Variants in ARMC10 observed in about 807,000 individuals in gnomAD.
ARMC10 encodes the protein armadillo repeat-containing protein 10.
In ARMC10, 23 loss-of-function variants were observed where a neutral mutation model predicts 30.2. The observed-to-expected ratio is 0.76, with a 90% confidence interval of 0.55 to 1.08. The LOEUF (loss-of-function observed/expected upper bound fraction) is 1.08, where lower values mean the gene tolerates loss of function less well. ARMC10 is among the 50% of genes least tolerant of loss of function. The pLI, the probability that ARMC10 is intolerant of heterozygous loss-of-function variation, is 0.00. For synonymous variants in ARMC10, 111 were observed against 164.4 expected (o/e 0.68, Z 2.48); for missense variants, 303 against 413.7 (o/e 0.73, Z 2.32).
chr7:103,098,255 ATATAT>A, intron 6 of ARMC10, 39 bp from the exon 7 acceptor site: 1 of 1,259,580 alleles, frequency 7.9e-7, no homozygotes, highest in Admixed American at 3.7e-5. Flanking sequence ...AAAAGTTTTC[ATATAT>A]TATTAATATA....
At chr7:103,087,873 T>G (rs1800993183) in intron 4 of ARMC10, 1 of 743,188 alleles carries the variant, frequency 1.3e-6, no homozygotes, top group African/African-American at 1.9e-5. Context: ...TACAGATTAC[T>G]ATGCTATGAA....
chr7:103,079,986 G>T (rs1208270357), intron 2 of ARMC10, among the ~76,000 whole-genome samples: 1 of 152,158 alleles, frequency 6.6e-6, no homozygotes, highest in East Asian at 1.9e-4. Context: ...ACGTTATAAT[G>T]TGGTAGTCAC....
intron 4 of ARMC10, among the ~76,000 whole-genome samples, chr7:103,088,131 G>A (rs1801013016): frequency 6.6e-6 from 1 of 152,090 alleles, no homozygotes. Flanking sequence ...TCTAATATTT[G>A]GAGAAATATT....
At chr7:103,094,585 A>G (rs1563330808) in intron 5 of ARMC10, among the ~76,000 whole-genome samples, 1 of 152,198 alleles carries the variant, frequency 6.6e-6, no homozygotes, top group Non-Finnish European at 1.5e-5. Flanking sequence ...TCGTAAGTTC[A>G]GGACCATCCT....
At chr7:103,094,690 TAGTC>T (rs57257367) in intron 5 of ARMC10, among the ~76,000 whole-genome samples, 1,840 of 152,330 alleles carry the variant, frequency 0.012, 34 homozygotes, top group African/African-American at 0.042. Context: ...GTGTTGCTGA[TAGTC>T]AGTCAGGCCA....
At chr7:103,075,658 C>G in intron 1 of ARMC10, 119 bp from the exon 2 acceptor site, 1 of 909,238 alleles carries the variant, frequency 1.1e-6, no homozygotes. Context: ...TTCTTAAAAA[C>G]CTGTTGATGG....
At chr7:103,082,524 CAG>C (rs1800476437) in intron 2 of ARMC10, among the ~76,000 whole-genome samples, 2 of 151,182 alleles carry the variant, frequency 1.3e-5, no homozygotes, top group Admixed American at 6.6e-5. Context: ...TTAATAGAGA[CAG>C]GGTCTCATTA....
At position 103,075,322 on chromosome 7, in the gene ARMC10, G is replaced by A. The variant is rs2129517636; in HGVS notation, c.50G>A (p.Gly17Asp). 2 of 1,240,832 alleles carry A rather than the reference G, an allele frequency of 1.6e-6. No homozygotes were observed. The highest frequency in any genetic ancestry group is 3.1e-5 in the African/African-American group (2 of 64,952). The allele number at this position is 1,240,832 out of a possible 1,614,324, so 76.9% of individuals were successfully genotyped here. Residue 17 changes from glycine to aspartate, a missense_variant, in exon 1 of 7, where the codon GGC becomes GAC. By Grantham distance (94) the Gly-to-Asp change is moderately conservative. This residue lies in a region of ARMC10 where 11 missense variants were observed against 27.6 expected (regional missense o/e 0.40). Transcript: ENST00000323716. The part of the protein sequence containing the change: ...AGWVAAGLLL[G>D]AGACYCIYRL... The stretch of plus-strand genomic sequence containing the variant: ...TGGGTGGCGGCGGGCCTGCTGCTCG[G>A]CGCGGGCGCCTGCTACTGCATTTAC...
rs1799579870 is a variant in ARMC10 at position 103,075,208 on chromosome 7, C to T, written c.-65C>T. 9.0e-7 allele frequency: 1 copy of T among 1,110,512 alleles called. No individual in the cohort carries two copies. Among genetic ancestry groups the T allele is most frequent in the Non-Finnish European group, 1.1e-6 (1 of 907,888 alleles). 68.8% of individuals were successfully genotyped at this position (1,110,512 alleles called of 1,614,324 possible). ...GGCTAGGCCCGCGTGCGCTGGAGACCTCCGCGCTGGCCCCCGCGAGCCTCC... is the reference window on the plus strand; with the variant it reads ...GGCTAGGCCCGCGTGCGCTGGAGACTTCCGCGCTGGCCCCCGCGAGCCTCC... On this transcript the variant is annotated 5_prime_UTR_variant, in exon 1 of 7. Transcript: ENST00000323716.
rs1174135494 is a variant in ARMC10 at position 103,075,411 on chromosome 7, G to T, written c.139G>T (p.Gly47Cys). Reference protein sequence around the residue: ...ELGIRSSKSAGALEEGTSEGQ... With the variant: ...ELGIRSSKSACALEEGTSEGQ... ...CGGGATACGCTCTTCGAAGTCCGCA[G>T]GTGGGACCCCGGGGTTTCCGGCAGG... is the stretch of plus-strand genomic sequence containing the variant. The change falls in exon 1 of 7, where the codon GGT becomes TGT. Residue 47 changes from glycine (G) to cysteine (C), a missense_variant and splice_region_variant. By Grantham distance (159) the Gly-to-Cys change is radical. Transcript: ENST00000323716. 7 of 1,291,970 alleles carry T rather than the reference G, an allele frequency of 5.4e-6. No homozygotes were observed. Among genetic ancestry groups the T allele is most frequent in the East Asian group, 2.8e-5 (1 of 35,232 alleles). The allele number at this position is 1,291,970 out of a possible 1,614,324, so 80.0% of individuals were successfully genotyped here.
intron 4 of ARMC10, among the ~76,000 whole-genome samples, chr7:103,091,574 G>A (rs1375615670): frequency 6.6e-6 from 1 of 152,116 alleles, no homozygotes; most frequent in Non-Finnish European, 1.5e-5. Context: ...CTTTTGATAG[G>A]ATTAATTCTA....
At chr7:103,085,281 C>G (rs1188418383) in intron 3 of ARMC10, among the ~76,000 whole-genome samples, 2 of 151,434 alleles carry the variant, frequency 1.3e-5, no homozygotes, top group East Asian at 3.9e-4. Context: ...AAAAACTTTT[C>G]TAGTAACTGC....
intron 2 of ARMC10, 22 bp downstream of exon 2, chr7:103,075,903 A>G (rs768210130): frequency 1.3e-6 from 2 of 1,533,380 alleles, no homozygotes; most frequent in South Asian, 2.4e-5. Flanking sequence ...GGAAATGGGA[A>G]CAGTTGTCTG....
At chr7:103,081,105 G>C (rs1800341034) in intron 2 of ARMC10, among the ~76,000 whole-genome samples, 1 of 152,198 alleles carries the variant, frequency 6.6e-6, no homozygotes, top group Admixed American at 6.5e-5. Context: ...TTTGAGGTAG[G>C]CACTATTAAC....
In ARMC10 at chr7:103,086,640, G is replaced by T. The variant is rs138429012; in HGVS notation, c.404G>T (p.Arg135Leu). The T allele has an allele frequency of 1.3e-5, 20 of 1,570,862 alleles. No individual in the cohort carries two copies. Among genetic ancestry groups the T allele is most frequent in the Admixed American group, 4.1e-5 (2 of 48,360 alleles). The part of the protein sequence containing the change: ...AAFSVNQAII[R>L]ELGGIPIVAN... Reference sequence around the variant, plus strand: ...TTTTTCCCCTCGTAGGCTATTATTCGTGAATTGGGTGGTATTCCAATTGTT... The same window carrying T: ...TTTTTCCCCTCGTAGGCTATTATTCTTGAATTGGGTGGTATTCCAATTGTT... The change falls in exon 4 of 7, where the codon CGT becomes CTT. Residue 135 changes from arginine to leucine, a missense_variant. Arg to Leu is a moderately radical substitution (Grantham distance 102, BLOSUM62 -2). Coordinates refer to ENST00000323716, the MANE Select transcript of ARMC10 (RefSeq NM_031905.5).
rs192176753 is a variant in ARMC10 at position 103,092,571 on chromosome 7, T to C, written c.623T>C (p.Val208Ala). ...AGLTLLTNMTVTNDHQHMLHS... is the reference protein window; with the variant it reads ...AGLTLLTNMTATNDHQHMLHS... ...CTGACATTGTTGACAAACATGACTG[T>C]TACCAATGACCACCAGCACATGCTT... Residue 208 changes from valine to alanine, a missense_variant, in exon 5 of 7, where the codon GTT becomes GCT. By Grantham distance (64) the Val-to-Ala change is moderately conservative. This residue lies in a region of ARMC10 where 170 missense variants were observed against 207.2 expected (regional missense o/e 0.82). Transcript: ENST00000323716. The C allele has an allele frequency of 6.6e-5, 107 of 1,610,406 alleles. No homozygotes were observed. Among genetic ancestry groups the C allele is most frequent in the Admixed American group, 3.0e-4 (18 of 59,976 alleles).
intron 5 of ARMC10, among the ~76,000 whole-genome samples, chr7:103,093,028 A>C (rs1271968867): frequency 6.6e-6 from 1 of 152,198 alleles, no homozygotes; most frequent in Non-Finnish European, 1.5e-5. Flanking sequence ...AACAACTTTT[A>C]AGCTGTAGTA....
chr7:103,092,582 C>A lies in ARMC10; in HGVS notation c.634C>A (p.His212Asn), dbSNP rs764582978. Reference protein sequence around the residue: ...LLTNMTVTNDHQHMLHSYITD... With the variant: ...LLTNMTVTNDNQHMLHSYITD... ...GACAAACATGACTGTTACCAATGACCACCAGCACATGCTTCACAGTTACAT... is the reference window on the plus strand; with the variant it reads ...GACAAACATGACTGTTACCAATGACAACCAGCACATGCTTCACAGTTACAT... Residue 212 changes from histidine (H) to asparagine (N), a missense_variant, in exon 5 of 7, where the codon CAC becomes AAC. Transcript: ENST00000323716. 15 of 1,609,264 alleles carry A rather than the reference C, an allele frequency of 9.3e-6. No homozygotes were observed. The highest frequency in any genetic ancestry group is 1.3e-5 in the Non-Finnish European group (15 of 1,176,246).
At chr7:103,082,429 A>C (rs374639134) in intron 2 of ARMC10, among the ~76,000 whole-genome samples, 1 of 150,180 alleles carries the variant, frequency 6.7e-6, no homozygotes, top group Middle Eastern at 3.5e-3. Flanking sequence ...AGTACTGTTG[A>C]GTACAGGGTA....
Sources: allele counts gnomAD v4.1 joint callset (sites outside exome capture counted in the v4.1 genomes callset), GRCh38; gene constraint gnomAD v4.1.1; regional missense constraint gnomAD v4.1.1; transcripts MANE v1.5; gene names NCBI Gene and HGNC (gene_info 2026-07-23, HGNC 2026-07-21).